Variants in PCDH9 observed in about 807,000 individuals in gnomAD.
PCDH9 encodes protocadherin 9.
In PCDH9, 24 loss-of-function variants were observed where a neutral mutation model predicts 70.6. The ratio of observed to expected loss-of-function variants is 0.34; its 90% confidence interval spans 0.25 to 0.48. The LOEUF (loss-of-function observed/expected upper bound fraction) is 0.48. PCDH9 is among the 20% of genes least tolerant of loss of function. The pLI is 0.99. For synonymous variants in PCDH9, 562 were observed against 558.5 expected (o/e 1.01, Z -0.09); for missense variants, 1,281 against 1,503.6 (o/e 0.85, Z 2.45).
chr13:67,144,542 G>A (rs1267758603), intron 2 of PCDH9, among the ~76,000 whole-genome samples: 1 of 152,110 alleles, frequency 6.6e-6, no homozygotes, highest in East Asian at 1.9e-4. Context: ...TGAATTAAAT[G>A]TGTAAAACAT....
intron 2 of PCDH9, among the ~76,000 whole-genome samples, chr13:66,954,597 C>T (rs2083238121): frequency 6.6e-6 from 1 of 152,184 alleles, no homozygotes; most frequent in African/African-American, 2.4e-5. Context: ...CCTTCCATAG[C>T]ATCTTGGACA....
At chr13:66,583,466 G>C (rs969261859) in intron 4 of PCDH9, among the ~76,000 whole-genome samples, 4 of 151,856 alleles carry the variant, frequency 2.6e-5, no homozygotes, top group African/African-American at 9.7e-5. Flanking sequence ...CAAAAAATTG[G>C]CTGGGCTTGG....
At chr13:66,429,546 T>C (rs1239625923) in intron 4 of PCDH9, among the ~76,000 whole-genome samples, 1 of 151,560 alleles carries the variant, frequency 6.6e-6, no homozygotes, top group Non-Finnish European at 1.5e-5. Context: ...GTTTGGAGGA[T>C]ACAAAATACT....
intron 3 of PCDH9, among the ~76,000 whole-genome samples, chr13:66,850,835 A>C (rs548239586): frequency 6.6e-6 from 1 of 152,310 alleles, no homozygotes; most frequent in East Asian, 1.9e-4. Flanking sequence ...TTTCTGTTTG[A>C]AAATACGCCC....
At chr13:66,964,756 G>T (rs567928535) in intron 2 of PCDH9, among the ~76,000 whole-genome samples, 1 of 151,820 alleles carries the variant, frequency 6.6e-6, no homozygotes, top group Admixed American at 6.6e-5. Context: ...CACTTATCTA[G>T]AACAAATACC....
intron 4 of PCDH9, among the ~76,000 whole-genome samples, chr13:66,536,443 TTG>T (rs1960707066): frequency 6.6e-6 from 1 of 152,124 alleles, no homozygotes; most frequent in African/African-American, 2.4e-5. Flanking sequence ...AAAATTTTTG[TTG>T]TGTTCTTATT....
In PCDH9 at chr13:66,906,616, G is replaced by A. The variant is rs1366192441; in HGVS notation, c.3037-3011C>T. ...CTCTCCTGTGTTTCATTCTGGAGCA[G>A]CTCCTGTTTTTGGAACAGTGAATGG... On this transcript the variant is annotated intron_variant, in intron 2 of 4. Coordinates refer to ENST00000377865, the MANE Select transcript of PCDH9 (RefSeq NM_203487.3). 2.0e-5 allele frequency among the ~76,000 whole-genome samples: 3 copies of A among 152,076 alleles called. No homozygotes were observed. The East Asian group carries it at 5.8e-4, about 29-fold the overall frequency.
intron 3 of PCDH9, among the ~76,000 whole-genome samples, chr13:66,880,352 T>C (rs2081901821): frequency 2.6e-5 from 4 of 152,178 alleles, no homozygotes; most frequent in Admixed American, 2.6e-4. Flanking sequence ...CATCATCATT[T>C]GTGAATAGCA....
intron 4 of PCDH9, among the ~76,000 whole-genome samples, chr13:66,413,412 C>T (rs1373616658): frequency 3.9e-5 from 6 of 152,076 alleles, no homozygotes; most frequent in Non-Finnish European, 5.9e-5. Context: ...CTTGGCCTTG[C>T]GTGGTGGCTC....
intron 4 of PCDH9, among the ~76,000 whole-genome samples, chr13:66,405,114 A>G: frequency 6.6e-6 from 1 of 152,220 alleles, no homozygotes; most frequent in East Asian, 1.9e-4. Flanking sequence ...TGAGGCAAAC[A>G]CATAACACAG....
chr13:66,828,810 A>AAAAAAAAAAAAATAATAAT (rs71207607), intron 3 of PCDH9, among the ~76,000 whole-genome samples: 74 of 148,662 alleles, frequency 5.0e-4, no homozygotes, highest in African/African-American at 1.8e-3. Context: ...GCCATACATA[A>AAAAAAAAAAAAATAATAAT]AATAATAATA....
chr13:66,648,692 A>T (rs961892191), intron 3 of PCDH9, among the ~76,000 whole-genome samples: 26 of 152,104 alleles, frequency 1.7e-4, no homozygotes, highest in African/African-American at 5.8e-4. Context: ...AAGTATCAAG[A>T]CCATCCAAGA....
At chr13:66,521,619 C>T (rs1051554190) in intron 4 of PCDH9, among the ~76,000 whole-genome samples, 2 of 152,010 alleles carry the variant, frequency 1.3e-5, no homozygotes, top group African/African-American at 4.8e-5. Context: ...TGATAACACC[C>T]GTGGTACGTG....
intron 4 of PCDH9, among the ~76,000 whole-genome samples, chr13:66,591,219 T>C (rs898683928): frequency 2.0e-5 from 3 of 151,920 alleles, no homozygotes; most frequent in African/African-American, 7.2e-5. Flanking sequence ...ATATTAGACC[T>C]AGTTTATTGT....
intron 3 of PCDH9, among the ~76,000 whole-genome samples, chr13:66,814,515 T>A (rs1673010758): frequency 6.6e-6 from 1 of 152,136 alleles, no homozygotes; most frequent in Non-Finnish European, 1.5e-5. Flanking sequence ...ATTAGTATAA[T>A]AATAGAAGCC....
intron 2 of PCDH9, among the ~76,000 whole-genome samples, chr13:67,197,962 CA>C (rs1275219012): frequency 6.6e-6 from 1 of 151,344 alleles, no homozygotes; most frequent in African/African-American, 2.4e-5. Flanking sequence ...TGGTTATCAA[CA>C]AAACAGCATA....
intron 2 of PCDH9, among the ~76,000 whole-genome samples, chr13:67,167,785 T>C (rs1370801902): frequency 6.6e-6 from 1 of 152,210 alleles, no homozygotes; most frequent in Non-Finnish European, 1.5e-5. Flanking sequence ...AACTAATTAT[T>C]GTCCTGTGAT....
chr13:66,784,143 TC>T (rs2080042662), intron 3 of PCDH9, among the ~76,000 whole-genome samples: 1 of 152,148 alleles, frequency 6.6e-6, no homozygotes, highest in African/African-American at 2.4e-5. Context: ...TCTCTTGTCT[TC>T]CCTCTTACAA....
chr13:66,805,142 G>A (rs907112534), intron 3 of PCDH9, among the ~76,000 whole-genome samples: 3 of 152,126 alleles, frequency 2.0e-5, no homozygotes, highest in African/African-American at 4.8e-5. Flanking sequence ...TTCATTCCAT[G>A]ATACTGTACA....
Sources: gnomAD v4.1 joint callset for allele counts (sites outside exome capture counted in the v4.1 genomes callset) on GRCh38, gnomAD v4.1.1 for gene constraint, MANE v1.5 for transcripts, NCBI Gene and HGNC (gene_info 2026-07-23, HGNC 2026-07-21) for gene names.